The following AFAP1L2 variants were observed in gnomAD, a reference collection of about 807,000 sequenced individuals.
AFAP1L2 encodes actin filament associated protein 1 like 2.
AFAP1L2 carries 46 observed loss-of-function variants against 99.3 expected under a neutral mutation model. The observed-to-expected ratio is 0.46, with a 90% CI of 0.37 to 0.59. The LOEUF (loss-of-function observed/expected upper bound fraction) is 0.59. AFAP1L2 is among the 20% of genes least tolerant of loss of function. The pLI is 0.00. For missense variants in AFAP1L2, 959 were observed against 1,034.9 expected, an observed-to-expected ratio of 0.93 and a Z score of 1.01; for synonymous variants, 397 against 419.1, an observed-to-expected ratio of 0.95 and a Z score of 0.64.
chr10:114,336,069 T>C (rs746085664), intron 2 of AFAP1L2, among the ~76,000 whole-genome samples: 9 of 152,212 alleles, frequency 5.9e-5, no homozygotes, highest in Non-Finnish European at 1.2e-4. Context: ...TCTAAGATGA[T>C]GATTTGTAAG....
chr10:114,341,257 C>T (rs2048784663), intron 1 of AFAP1L2, among the ~76,000 whole-genome samples: 2 of 152,172 alleles, frequency 1.3e-5, no homozygotes, highest in Admixed American at 6.5e-5. Context: ...GGTTGTAAGC[C>T]TCGCCTTGGC....
intron 2 of AFAP1L2, among the ~76,000 whole-genome samples, chr10:114,335,525 A>C (rs1341954379): frequency 1.3e-5 from 2 of 151,406 alleles, no homozygotes; most frequent in Non-Finnish European, 2.9e-5. Context: ...AGGCAGGAGA[A>C]TGGCATGAAC....
chr10:114,367,468 T>C (rs1369597410), intron 1 of AFAP1L2, among the ~76,000 whole-genome samples: 1 of 152,048 alleles, frequency 6.6e-6, no homozygotes, highest in African/African-American at 2.4e-5. Context: ...TACTTCAACA[T>C]AGGGCAGTCC....
At chr10:114,352,382 G>A (rs1219488700) in intron 1 of AFAP1L2, among the ~76,000 whole-genome samples, 2 of 150,946 alleles carry the variant, frequency 1.3e-5, no homozygotes, top group Non-Finnish European at 2.9e-5. Flanking sequence ...GCTGAGGCAG[G>A]AGAATCGCTT....
At chr10:114,291,151 G>C (rs968555877), downstream of AFAP1L2, 6 of 1,543,452 alleles carry the variant, frequency 3.9e-6, no homozygotes, top group Non-Finnish European at 4.4e-6. Flanking sequence ...GGGGTCCTCA[G>C]AGGCTGCTGG....
At chr10:114,309,821 C>A (rs1364017089) in intron 8 of AFAP1L2, among the ~76,000 whole-genome samples, 1 of 152,152 alleles carries the variant, frequency 6.6e-6, no homozygotes. Context: ...CATTCGCCCA[C>A]CCCCGGCACC....
intron 1 of AFAP1L2, among the ~76,000 whole-genome samples, chr10:114,359,895 G>A (rs2051977075): frequency 6.6e-6 from 1 of 151,674 alleles, no homozygotes. Context: ...GTTTTAACTG[G>A]TGTCCTTCAC....
chr10:114,313,957 C>G lies in AFAP1L2; in HGVS notation c.706G>C (p.Glu236Gln). The change falls in exon 7 of 19, where the codon GAG (glutamate) becomes CAG (glutamine). Residue 236 changes from glutamate to glutamine, a missense_variant. Around this residue, in one of 2 missense-constraint regions of AFAP1L2, gnomAD observed 383 missense variants for 472.8 expected, o/e 0.81. Transcript: ENST00000304129. The stretch of plus-strand genomic sequence containing the variant: ...ATCGGCGTGATCTTCAGCTTGTGCT[C>G]CTTCTTCCGCACTTGCTTCTCCTTG... ...IHKEKQVRKK[E>Q]HKLKITPMNA... The G allele has an allele frequency of 6.2e-7, 1 of 1,614,064 alleles. No individual in the cohort carries two copies. Among genetic ancestry groups the G allele is most frequent in the Non-Finnish European group, 8.5e-7 (1 of 1,179,996 alleles).
At chr10:114,401,114 CG>C (rs1261540337) in intron 1 of AFAP1L2, among the ~76,000 whole-genome samples, 1 of 152,264 alleles carries the variant, frequency 6.6e-6, no homozygotes, top group South Asian at 2.1e-4. Context: ...TAGAGCTAAG[CG>C]GGGGGACTGG....
chr10:114,315,900 C>A (rs2044059757), intron 5 of AFAP1L2, 135 bp from the exon 6 acceptor site: 5 of 865,726 alleles, frequency 5.8e-6, no homozygotes, highest in Non-Finnish European at 7.1e-6. Flanking sequence ...CTCAAAGCAG[C>A]CCCACAGCCA....
chr10:114,286,320 A>G, the AFAP1L2 span: 1 of 1,612,180 alleles, frequency 6.2e-7, no homozygotes, highest in African/African-American at 1.3e-5. Flanking sequence ...TCCGAGGATG[A>G]GGTTGCGGGC....
intron 1 of AFAP1L2, among the ~76,000 whole-genome samples, chr10:114,376,888 T>C (rs1263194542): frequency 2.6e-5 from 4 of 152,102 alleles, no homozygotes; most frequent in African/African-American, 4.8e-5. Flanking sequence ...ACTGCAGCTT[T>C]TGGGCCTCCC....
At chr10:114,312,140 G>A (rs1307633136) in intron 7 of AFAP1L2, among the ~76,000 whole-genome samples, 4 of 152,060 alleles carry the variant, frequency 2.6e-5, no homozygotes, top group Admixed American at 2.0e-4. Flanking sequence ...GGAAGAGGGC[G>A]TGAGAGTTTG....
chr10:114,390,708 G>A lies in AFAP1L2; in HGVS notation c.16+13732C>T, dbSNP rs905812332. ...TGTACTCCAGCCTGGACAACAGGGCGAGACTCTGTCTCAAAAAAAAAAAAA... is the reference window on the plus strand; with the variant it reads ...TGTACTCCAGCCTGGACAACAGGGCAAGACTCTGTCTCAAAAAAAAAAAAA... On this transcript the variant is annotated intron_variant, in intron 1 of 18. Coordinates refer to ENST00000304129, the MANE Select transcript of AFAP1L2 (RefSeq NM_001001936.3). 5.4e-5 allele frequency among the ~76,000 whole-genome samples: 7 copies of A among 128,442 alleles called. No homozygotes were observed. The South Asian group carries it at 9.0e-4, about 17-fold the overall frequency. 84.3% of individuals were successfully genotyped at this position (128,442 alleles called of 152,430 possible). A position where few individuals can be genotyped will look rare whatever the true frequency, so the allele number is the denominator to read the frequency against.
chr10:114,401,249 T>C (rs1413880533), intron 1 of AFAP1L2, among the ~76,000 whole-genome samples: 1 of 152,174 alleles, frequency 6.6e-6, no homozygotes, highest in African/African-American at 2.4e-5. Context: ...TATGATGCAA[T>C]TTCAGGAAGC....
At chr10:114,379,621 T>C (rs2055328029) in intron 1 of AFAP1L2, among the ~76,000 whole-genome samples, 1 of 152,320 alleles carries the variant, frequency 6.6e-6, no homozygotes, top group South Asian at 2.1e-4. Context: ...TTTTGAAATA[T>C]TAAGACAACT....
intron 4 of AFAP1L2, chr10:114,326,075 C>G: frequency 5.5e-6 from 7 of 1,278,008 alleles, no homozygotes; most frequent in Non-Finnish European, 7.1e-6. Context: ...GGAGTGAACC[C>G]TTCTGCAGGA....
intron 7 of AFAP1L2, 101 bp downstream of exon 7, chr10:114,313,770 G>A: frequency 8.0e-7 from 1 of 1,242,238 alleles, no homozygotes; most frequent in Non-Finnish European, 1.1e-6. Flanking sequence ...AAACTTGAAG[G>A]ATCACAAATC....
At chr10:114,346,803 T>C (rs1189719824) in intron 1 of AFAP1L2, among the ~76,000 whole-genome samples, 1 of 152,178 alleles carries the variant, frequency 6.6e-6, no homozygotes, top group African/African-American at 2.4e-5. Context: ...GTTTGAGACT[T>C]CCAAGGCCCA....
Sources: gnomAD v4.1 joint callset for allele counts (sites outside exome capture counted in the v4.1 genomes callset) on GRCh38, gnomAD v4.1.1 for gene constraint, gnomAD v4.1.1 regional missense constraint, MANE v1.5 for transcripts, NCBI Gene and HGNC (gene_info 2026-07-23, HGNC 2026-07-21) for gene names.